The following PHLPP1 variants were observed in gnomAD, a reference collection of about 807,000 sequenced individuals.
PHLPP1 encodes PH domain and leucine rich repeat protein phosphatase 1.
In PHLPP1, 42 loss-of-function variants were observed where a neutral mutation model predicts 117.2. The observed-to-expected ratio is 0.36, with a 90% CI of 0.28 to 0.46. The LOEUF (loss-of-function observed/expected upper bound fraction) is 0.46. Ranked by LOEUF, PHLPP1 falls within the 20% of genes least tolerant of loss-of-function variation. PHLPP1 has a pLI of 1.00. For missense variants in PHLPP1, 2,084 were observed against 2,241.9 expected (o/e 0.93, Z 1.42); for synonymous variants, 1,042 against 970.7 (o/e 1.07, Z -1.37).
Position 62,766,076 on chromosome 18 carries a change from A to AATATAT in PHLPP1, c.1576+48839_1576+48844dup, listed in dbSNP as rs60058262. On this transcript the variant is annotated intron_variant, in intron 1 of 16. Coordinates refer to ENST00000262719, the MANE Select transcript of PHLPP1 (RefSeq NM_194449.4). ...ACTCCATCTCAAAAAAAAAAAAAAA[A>AATATAT]ATATATATATATATATATATATATA... Among the ~76,000 whole-genome samples, 67 of 21,648 alleles carry AATATAT rather than the reference A, an allele frequency of 3.1e-3. 3 individuals are homozygous for AATATAT. Among genetic ancestry groups the AATATAT allele is most frequent in the South Asian group, 6.9e-3 (3 of 432 alleles). 14.2% of individuals were successfully genotyped at this position (21,648 alleles called of 152,430 possible).
chr18:62,721,119 G>C (rs1057241331), intron 1 of PHLPP1, among the ~76,000 whole-genome samples: 1 of 152,128 alleles, frequency 6.6e-6, no homozygotes, highest in African/African-American at 2.4e-5. Flanking sequence ...TGGTAATGAG[G>C]TGGTATTATC....
At chr18:62,966,323 A>G (rs1910903301) in intron 14 of PHLPP1, among the ~76,000 whole-genome samples, 1 of 152,076 alleles carries the variant, frequency 6.6e-6, no homozygotes, top group South Asian at 2.1e-4. Flanking sequence ...GGGAGGGATT[A>G]TATTTTTAAG....
At chr18:62,975,750 A>G in intron 16 of PHLPP1, 125 bp downstream of exon 16, 1 of 655,422 alleles carries the variant, frequency 1.5e-6, no homozygotes, top group South Asian at 1.8e-5. Context: ...TGACATTAGA[A>G]TTCCAAATCC....
At position 62,912,630 on chromosome 18, in the gene PHLPP1, G is replaced by GT. The variant is rs1331743109; in HGVS notation, c.2709-2276dup. ...TCTTGAACAGTTCTTTTCTTTTTTTGTTTTTTTGAGATGGAGTCTCGCTCT... is the reference window on the plus strand; with the variant it reads ...TCTTGAACAGTTCTTTTCTTTTTTTGTTTTTTTTGAGATGGAGTCTCGCTCT... On this transcript the variant is annotated intron_variant, in intron 8 of 16. Transcript: ENST00000262719. Among the ~76,000 whole-genome samples, 5 of 151,290 alleles carry GT rather than the reference G, an allele frequency of 3.3e-5. No homozygotes were observed. In the South Asian group the frequency reaches 8.3e-4, roughly 25 times the overall value.
chr18:62,962,493 G>A (rs1276639882), intron 13 of PHLPP1, among the ~76,000 whole-genome samples: 3 of 152,086 alleles, frequency 2.0e-5, no homozygotes, highest in African/African-American at 7.2e-5. Context: ...ATTTTTAGTA[G>A]AGACAGGGTT....
intron 15 of PHLPP1, among the ~76,000 whole-genome samples, chr18:62,973,824 TTAGC>T (rs1331747626): frequency 1.3e-5 from 2 of 152,180 alleles, no homozygotes; most frequent in East Asian, 3.8e-4. Context: ...TTGTTACCAG[TTAGC>T]TGGGTAATGT....
chr18:62,864,030 T>A (rs972501664), intron 4 of PHLPP1, among the ~76,000 whole-genome samples: 2 of 151,826 alleles, frequency 1.3e-5, no homozygotes, highest in Non-Finnish European at 2.9e-5. Flanking sequence ...TTAATTAATT[T>A]ATTTTTTTGA....
chr18:62,751,166 C>T (rs1381742859), intron 1 of PHLPP1, among the ~76,000 whole-genome samples: 1 of 152,204 alleles, frequency 6.6e-6, no homozygotes, highest in Non-Finnish European at 1.5e-5. Flanking sequence ...AGGTTTTCCC[C>T]ACTACTTATT....
At chr18:62,935,068 C>T (rs959507502) in intron 10 of PHLPP1, among the ~76,000 whole-genome samples, 6 of 152,036 alleles carry the variant, frequency 3.9e-5, no homozygotes, top group Non-Finnish European at 7.4e-5. Context: ...GAGGCATGAG[C>T]GTTGGGTAAA....
intron 3 of PHLPP1, among the ~76,000 whole-genome samples, chr18:62,857,913 G>C (rs559138563): frequency 6.6e-6 from 1 of 152,324 alleles, no homozygotes; most frequent in South Asian, 2.1e-4. Flanking sequence ...CCACTAGCTA[G>C]CAGAGGTTTC....
At chr18:62,815,298 C>T (rs959246338) in intron 1 of PHLPP1, among the ~76,000 whole-genome samples, 2 of 152,000 alleles carry the variant, frequency 1.3e-5, no homozygotes, top group Non-Finnish European at 2.9e-5. Context: ...GCTGGGACTA[C>T]AGGCGCCCGC....
intron 4 of PHLPP1, among the ~76,000 whole-genome samples, chr18:62,871,347 G>C (rs553670434): frequency 6.6e-6 from 1 of 151,890 alleles, no homozygotes; most frequent in Admixed American, 6.6e-5. Context: ...TTTTTTTTGA[G>C]ATGGAATTTC....
At chr18:62,850,008 A>C (rs1229179215) in intron 3 of PHLPP1, among the ~76,000 whole-genome samples, 1 of 150,686 alleles carries the variant, frequency 6.6e-6, no homozygotes, top group Non-Finnish European at 1.5e-5. Context: ...AATTGAAAAA[A>C]CAATCTATAA....
chr18:62,785,799 C>T (rs534623213), intron 1 of PHLPP1, among the ~76,000 whole-genome samples: 85 of 152,208 alleles, frequency 5.6e-4, no homozygotes, highest in Middle Eastern at 3.4e-3. Flanking sequence ...ACCATGCCAT[C>T]GTTTGGTATG....
intron 1 of PHLPP1, among the ~76,000 whole-genome samples, chr18:62,722,571 T>TA (rs1208282644): frequency 6.6e-6 from 1 of 152,164 alleles, no homozygotes; most frequent in Non-Finnish European, 1.5e-5. Context: ...GGAACACTGG[T>TA]AATGAGGGGT....
Position 62,931,873 on chromosome 18 carries a change from C to T in PHLPP1, c.2961-9845C>T, listed in dbSNP as rs1158996993. Among the ~76,000 whole-genome samples, 50 of 97,500 alleles carry T rather than the reference C, an allele frequency of 5.1e-4. No homozygotes were observed. The East Asian group carries it at 6.6e-3, about 13-fold the overall frequency. The allele number at this position is 97,500 out of a possible 152,430, so 64.0% of individuals were successfully genotyped here. ...TGGCGCCACTGCACTCCAGCCTGGG[C>T]GACAGAAAAAAAAAAAAAAAAAAAA... On this transcript the variant is annotated intron_variant, in intron 10 of 16. Transcript: ENST00000262719.
intron 1 of PHLPP1, among the ~76,000 whole-genome samples, chr18:62,726,978 A>G (rs1430828906): frequency 6.6e-6 from 1 of 151,822 alleles, no homozygotes; most frequent in African/African-American, 2.4e-5. Flanking sequence ...CTGTAATCCC[A>G]GCACTTTGGG....
At chr18:62,749,480 G>A (rs202235329) in intron 1 of PHLPP1, among the ~76,000 whole-genome samples, 14 of 151,792 alleles carry the variant, frequency 9.2e-5, no homozygotes, top group Admixed American at 8.5e-4. Context: ...TGCCTTTCCC[G>A]TTGTATTATT....
At chr18:62,767,429 A>G (rs369243456) in intron 1 of PHLPP1, among the ~76,000 whole-genome samples, 2 of 152,250 alleles carry the variant, frequency 1.3e-5, no homozygotes, top group African/African-American at 4.8e-5. Flanking sequence ...CCATTACTGT[A>G]TAAAACTAGA....
Sources: allele counts gnomAD v4.1 joint callset (sites outside exome capture counted in the v4.1 genomes callset), GRCh38; gene constraint gnomAD v4.1.1; transcripts MANE v1.5; gene names NCBI Gene and HGNC (gene_info 2026-07-23, HGNC 2026-07-21).